GRIK4: variants seen among roughly 807,000 people sequenced by gnomAD.
GRIK4 encodes glutamate ionotropic receptor kainate type subunit 4, also known as glutamate receptor ionotropic, kainate 4.
A neutral mutation model predicts 104.9 loss-of-function variants in GRIK4; 40 were observed. The observed-to-expected ratio is 0.38, with a 90% confidence interval of 0.30 to 0.50. The LOEUF is 0.50. GRIK4 is among the 20% of genes least tolerant of loss of function. The pLI is 0.93. For missense variants in GRIK4, 1,047 were observed against 1,308.1 expected (o/e 0.80, Z 3.08); for synonymous variants, 485 against 524.9 (o/e 0.92, Z 1.04).
intron 9 of GRIK4, among the ~76,000 whole-genome samples, chr11:120,867,512 C>A (rs3802913): frequency 6.6e-6 from 1 of 151,724 alleles, no homozygotes; most frequent in Non-Finnish European, 1.5e-5. Flanking sequence ...ACGATGTTCC[C>A]TGCTCTTTCT....
intron 3 of GRIK4, among the ~76,000 whole-genome samples, chr11:120,667,169 C>G (rs546461626): frequency 1.4e-4 from 21 of 152,332 alleles, no homozygotes; most frequent in African/African-American, 5.1e-4. Context: ...TTCTCATCCT[C>G]TCATAGGGAG....
At chr11:120,659,898 A>G (rs1949782164) in intron 2 of GRIK4, among the ~76,000 whole-genome samples, 1 of 151,948 alleles carries the variant, frequency 6.6e-6, no homozygotes, top group African/African-American at 2.4e-5. Context: ...TGCCCACCTA[A>G]TTTTTGTATT....
intron 8 of GRIK4, among the ~76,000 whole-genome samples, chr11:120,837,681 CT>C (rs67824241): frequency 0.16 from 23,947 of 145,542 alleles, 2,404 homozygotes; most frequent in East Asian, 0.33. Context: ...AACTTGTTTC[CT>C]TTTTTTTTTT....
rs561399402 is a variant in GRIK4 at position 120,677,894 on chromosome 11, A to G, written c.82+17494A>G. On this transcript the variant is annotated intron_variant, in intron 3 of 20. Coordinates refer to ENST00000527524, the MANE Select transcript of GRIK4 (RefSeq NM_014619.5). ...AGCATCTACTGTGCCCATCACTTCC[A>G]TAAGTTATATGATTAATTTTTATAA... is the stretch of plus-strand genomic sequence containing the variant. Among the ~76,000 whole-genome samples the G allele has an allele frequency of 8.5e-5, 13 of 152,358 alleles. No homozygotes were observed. In the South Asian group the frequency reaches 2.7e-3, roughly 32 times the overall value.
intron 11 of GRIK4, among the ~76,000 whole-genome samples, chr11:120,895,334 C>A (rs1942548861): frequency 6.6e-6 from 1 of 152,100 alleles, no homozygotes; most frequent in Non-Finnish European, 1.5e-5. Flanking sequence ...TTCCATACAT[C>A]CCAGTGCTGA....
chr11:120,599,843 C>G (rs1218072302), intron 1 of GRIK4, among the ~76,000 whole-genome samples: 3 of 152,234 alleles, frequency 2.0e-5, no homozygotes, highest in African/African-American at 7.2e-5. Flanking sequence ...CTCACCCGAG[C>G]AAGGAGCAAG....
At chr11:120,843,204 T>G (rs1280528016) in intron 8 of GRIK4, among the ~76,000 whole-genome samples, 4 of 152,258 alleles carry the variant, frequency 2.6e-5, no homozygotes, top group Admixed American at 2.6e-4. Context: ...TGTGACTAGC[T>G]GGACTCCAGC....
intron 3 of GRIK4, among the ~76,000 whole-genome samples, chr11:120,747,729 A>G (rs529601845): frequency 5.3e-5 from 8 of 152,334 alleles, no homozygotes; most frequent in African/African-American, 1.9e-4. Flanking sequence ...TATTTTTGGT[A>G]TTGTGGTTAA....
At chr11:120,843,428 T>A (rs1953770042) in intron 8 of GRIK4, among the ~76,000 whole-genome samples, 1 of 152,200 alleles carries the variant, frequency 6.6e-6, no homozygotes, top group African/African-American at 2.4e-5. Context: ...GGAGGCCTCA[T>A]TATTATAGAG....
At chr11:120,704,154 G>A (rs781536534) in intron 3 of GRIK4, among the ~76,000 whole-genome samples, 6 of 152,160 alleles carry the variant, frequency 3.9e-5, no homozygotes, top group Non-Finnish European at 7.3e-5. Flanking sequence ...AACCATAGAA[G>A]TTTTTGCACA....
intron 3 of GRIK4, among the ~76,000 whole-genome samples, chr11:120,667,267 C>T (rs951816282): frequency 3.9e-5 from 6 of 152,368 alleles, no homozygotes; most frequent in Non-Finnish European, 7.3e-5. Flanking sequence ...AGCCATGACC[C>T]CATTTGGCTC....
rs79299722 is a variant in GRIK4 at position 120,945,372 on chromosome 11, C to T, written c.1590+4912C>T. ...TGTTTATCTATCTCTCCCTTTGTAT[C>T]CTCCGATGGGAGGTATATTAAGGGA... On this transcript the variant is annotated intron_variant, in intron 14 of 20. Transcript: ENST00000527524. 3.5e-3 allele frequency among the ~76,000 whole-genome samples: 534 copies of T among 152,296 alleles called. 5 individuals carry two copies. Among genetic ancestry groups the T allele is most frequent in the African/African-American group, 0.012 (505 of 41,558 alleles).
chr11:120,602,312 A>G (rs1216420355), intron 1 of GRIK4, among the ~76,000 whole-genome samples: 1 of 152,180 alleles, frequency 6.6e-6, no homozygotes, highest in Non-Finnish European at 1.5e-5. Context: ...GCCAATCTCC[A>G]TTTAGTGGAC....
chr11:120,837,094 C>T (rs1418135434), intron 8 of GRIK4, among the ~76,000 whole-genome samples: 1 of 152,186 alleles, frequency 6.6e-6, no homozygotes, highest in African/African-American at 2.4e-5. Flanking sequence ...GAATTCTGGG[C>T]TGTAGTGTGA....
chr11:120,725,066 A>T (rs894037917), intron 3 of GRIK4, among the ~76,000 whole-genome samples: 34 of 152,110 alleles, frequency 2.2e-4, no homozygotes, highest in African/African-American at 8.2e-4. Flanking sequence ...ATAATTAGGG[A>T]TTATGTGGAT....
At chr11:120,657,739 C>T (rs1453795602) in intron 2 of GRIK4, among the ~76,000 whole-genome samples, 1 of 152,244 alleles carries the variant, frequency 6.6e-6, no homozygotes, top group Non-Finnish European at 1.5e-5. Flanking sequence ...AAGGGATGCC[C>T]TGTGCACAGG....
chr11:120,800,950 A>G (rs1386214660), intron 3 of GRIK4, among the ~76,000 whole-genome samples: 2 of 150,616 alleles, frequency 1.3e-5, no homozygotes, highest in African/African-American at 5.0e-5. Flanking sequence ...TTGAGATATA[A>G]CTTGCATACC....
At chr11:120,744,979 C>A (rs368187706) in intron 3 of GRIK4, among the ~76,000 whole-genome samples, 1 of 152,182 alleles carries the variant, frequency 6.6e-6, no homozygotes, top group African/African-American at 2.4e-5. Context: ...AATTCTACCA[C>A]GGTGGTAATT....
intron 14 of GRIK4, among the ~76,000 whole-genome samples, chr11:120,947,401 CA>C (rs34759788): frequency 0.3 from 36,596 of 123,966 alleles, 4,218 homozygotes; most frequent in Middle Eastern, 0.39. Context: ...GACTCTGTCT[CA>C]AAAAAAAAAA....
Sources: allele counts gnomAD v4.1 joint callset (sites outside exome capture counted in the v4.1 genomes callset), GRCh38; gene constraint gnomAD v4.1.1; transcripts MANE v1.5; gene names NCBI Gene and HGNC (gene_info 2026-07-23, HGNC 2026-07-21).